Variants in CBR4 observed in about 807,000 individuals in gnomAD.
CBR4 encodes the protein 3-oxoacyl-[acyl-carrier-protein] reductase.
CBR4 carries 22 observed loss-of-function variants against 21.0 expected under a neutral mutation model. The observed-to-expected ratio is 1.05, with a 90% CI of 0.75 to 1.50. CBR4 has a LOEUF of 1.50. Ranked by LOEUF, CBR4 falls within the 40% of genes most tolerant of loss-of-function variation. CBR4 has a pLI of 0.00. For synonymous variants in CBR4, 100 were observed against 104.4 expected, an observed-to-expected ratio of 0.96 and a Z score of 0.26; for missense variants, 302 against 286.3, an observed-to-expected ratio of 1.05 and a Z score of -0.40.
chr4:168,902,977 G>T (rs904536588), intron 2 of CBR4, among the ~76,000 whole-genome samples: 27 of 151,998 alleles, frequency 1.8e-4, no homozygotes, highest in African/African-American at 6.3e-4. Context: ...TGCCCAGGCT[G>T]GTCTTGAATT....
chr4:168,986,036 C>T (rs1197800991), downstream of CBR4, among the ~76,000 whole-genome samples: 1 of 150,636 alleles, frequency 6.6e-6, no homozygotes, highest in East Asian at 1.9e-4. Flanking sequence ...AACAAACCTA[C>T]ATATGTACCC....
intron 4 of CBR4, among the ~76,000 whole-genome samples, chr4:168,994,195 CAAAGGGATGGGCCGAAAT>C (rs1342836100): frequency 1.3e-5 from 2 of 152,278 alleles, no homozygotes; most frequent in East Asian, 3.9e-4. Flanking sequence ...TTACGGGAAA[CAAAGGGATGGGCCGAAAT>C]AAAGGGATGG....
At chr4:168,993,228 T>C (rs1361146196) in intron 4 of CBR4, among the ~76,000 whole-genome samples, 1 of 151,420 alleles carries the variant, frequency 6.6e-6, no homozygotes, top group Non-Finnish European at 1.5e-5. Flanking sequence ...TTTTTTTTTT[T>C]GAGACAAGAG....
intron 2 of CBR4, among the ~76,000 whole-genome samples, chr4:168,902,605 G>T (rs533850159): frequency 2.0e-5 from 3 of 151,960 alleles, no homozygotes; most frequent in African/African-American, 7.3e-5. Context: ...CTGCACCACC[G>T]CACTCTGCAC....
At position 168,976,044 on chromosome 4, in the gene CBR4, G is replaced by A. The variant is rs1439783029; in HGVS notation, n.169+26027C>T. Among the ~76,000 whole-genome samples the A allele has an allele frequency of 2.6e-5, 4 of 152,206 alleles. No individual in the cohort carries two copies. In the South Asian group the frequency reaches 8.3e-4, roughly 31 times the overall value. ...GCTGAGAAAGCAAGCAGGGCTCTCAGGCCTTGCCTCCCCACCTGCCAACAT... is the reference window on the plus strand; with the variant it reads ...GCTGAGAAAGCAAGCAGGGCTCTCAAGCCTTGCCTCCCCACCTGCCAACAT... On this transcript the variant is annotated intron_variant and non_coding_transcript_variant, in intron 2 of 3. Transcript: ENST00000509108.
At chr4:168,975,532 G>A (rs552251907) in intron 2 of CBR4, among the ~76,000 whole-genome samples, 10 of 152,310 alleles carry the variant, frequency 6.6e-5, no homozygotes, top group Non-Finnish European at 1.5e-4. Context: ...CTCTAGCGAG[G>A]AAGTGATGCT....
At chr4:168,954,016 A>G (rs1763617892) in intron 2 of CBR4, among the ~76,000 whole-genome samples, 1 of 152,178 alleles carries the variant, frequency 6.6e-6, no homozygotes, top group Admixed American at 6.5e-5. Context: ...TATAGTTTGA[A>G]GATAAAACTG....
intron 2 of CBR4, among the ~76,000 whole-genome samples, chr4:168,935,359 C>T (rs1430358301): frequency 6.6e-6 from 1 of 152,184 alleles, no homozygotes; most frequent in South Asian, 2.1e-4. Context: ...ACTGAGCTAG[C>T]TGCAGGAGTT....
In CBR4 at chr4:168,921,677, C is replaced by A. The variant is rs772157011; in HGVS notation, n.170-26912G>T. ...CAGTCACGTCACGTGATGCCGGCAT[C>A]TACACATGTATAGCTACCAACCGAG... On this transcript the variant is annotated intron_variant and non_coding_transcript_variant, in intron 2 of 3. Transcript: ENST00000509108. 1 of 1,611,692 alleles carries A rather than the reference C, an allele frequency of 6.2e-7. No homozygotes were observed. The highest frequency in any genetic ancestry group is 8.5e-7 in the Non-Finnish European group (1 of 1,179,834).
chr4:168,943,797 C>T (rs563484613), intron 2 of CBR4, among the ~76,000 whole-genome samples: 1 of 152,114 alleles, frequency 6.6e-6, no homozygotes, highest in Non-Finnish European at 1.5e-5. Flanking sequence ...GTAGTCCCAG[C>T]TACTCAGGAA....
chr4:168,950,798 G>A (rs1238871283), intron 2 of CBR4, among the ~76,000 whole-genome samples: 1 of 152,130 alleles, frequency 6.6e-6, no homozygotes, highest in Non-Finnish European at 1.5e-5. Context: ...ATTTAGGACT[G>A]TGATCTTTTC....
chr4:168,988,972 G>A lies in CBR4; in HGVS notation c.*1178C>T, dbSNP rs1251773048. 9.2e-6 allele frequency: 9 copies of A among 983,034 alleles called. No homozygotes were observed. Among genetic ancestry groups the A allele is most frequent in the Admixed American group, 6.2e-5 (1 of 16,254 alleles). The allele number at this position is 983,034 out of a possible 1,614,324, so 60.9% of individuals were successfully genotyped here. The stretch of plus-strand genomic sequence containing the variant: ...ACACTGAAAATATCATACTATTCCC[G>A]ATAAAAAGAGTTTAATGCAAAATAA... On this transcript the variant is annotated 3_prime_UTR_variant, in exon 5 of 5. Coordinates refer to ENST00000306193, the MANE Select transcript of CBR4 (RefSeq NM_032783.5).
chr4:168,924,888 T>A, intron 2 of CBR4: 8 of 1,582,240 alleles, frequency 5.1e-6, no homozygotes, highest in Non-Finnish European at 6.9e-6. Context: ...TGATGCTTCA[T>A]GTCCAAAGCC....
At chr4:168,928,720 A>G (rs2126644548) in intron 2 of CBR4, among the ~76,000 whole-genome samples, 1 of 152,312 alleles carries the variant, frequency 6.6e-6, no homozygotes, top group South Asian at 2.1e-4. Flanking sequence ...TCCCTCAGCC[A>G]GGAGCTCTCT....
At chr4:168,900,589 T>G (rs867201686) in intron 2 of CBR4, among the ~76,000 whole-genome samples, 1 of 152,338 alleles carries the variant, frequency 6.6e-6, no homozygotes, top group Middle Eastern at 3.4e-3. Flanking sequence ...TGGCATTGTT[T>G]TGTTTTCCCA....
chr4:168,990,328 C>A lies in CBR4; in HGVS notation c.536G>T (p.Gly179Val). ...TTTCGTCATATCTGTGTGTACAAATCCTAAAAGAGAAATGTTTGTTTAGTT... is the reference window on the plus strand; with the variant it reads ...TTTCGTCATATCTGTGTGTACAAATACTAAAAGAGAAATGTTTGTTTAGTT... ...KKIRVNVVAP[G>V]FVHTDMTKDL... is the part of the protein sequence containing the mutation. Residue 179 changes from glycine to valine, a missense_variant and splice_region_variant, in exon 5 of 5, where the codon GGA (glycine) becomes GTA (valine). Gly to Val is a moderately radical substitution (Grantham distance 109). Transcript: ENST00000306193. The A allele has an allele frequency of 6.3e-7, 1 of 1,589,092 alleles. No individual in the cohort carries two copies. Among genetic ancestry groups the A allele is most frequent in the Non-Finnish European group, 8.6e-7 (1 of 1,167,002 alleles).
rs191283917 is a variant in CBR4, at chr4:168,990,046, G to A, written c.*104C>T. On this transcript the variant is annotated 3_prime_UTR_variant, in exon 5 of 5. Coordinates refer to ENST00000306193, the MANE Select transcript of CBR4 (RefSeq NM_032783.5). ...ACAGAAATTAACATTTGTAGCATCA[G>A]CAGGTTTGATTAGCACATGTTACCC... 6.2e-5 allele frequency: 82 copies of A among 1,328,404 alleles called. No homozygotes were observed. Among genetic ancestry groups the A allele is most frequent in the Non-Finnish European group, 7.3e-5 (75 of 1,031,272 alleles). The allele number at this position is 1,328,404 out of a possible 1,614,324, so 82.3% of individuals were successfully genotyped here.
intron 2 of CBR4, among the ~76,000 whole-genome samples, chr4:168,949,842 G>A (rs1190118582): frequency 6.6e-6 from 1 of 152,128 alleles, no homozygotes; most frequent in Non-Finnish European, 1.5e-5. Context: ...TTTAAGCTAG[G>A]AGGGTTGTAT....
intron 2 of CBR4, chr4:168,921,406 CAAAAAAAAAA>C: frequency 4.4e-5 from 16 of 362,428 alleles, no homozygotes; most frequent in South Asian, 3.1e-4. Flanking sequence ...AAACTCTGTC[CAAAAAAAAAA>C]AAAAAAAAAA....
Sources: allele counts gnomAD v4.1 joint callset (sites outside exome capture counted in the v4.1 genomes callset), GRCh38; gene constraint gnomAD v4.1.1; transcripts MANE v1.5; gene names NCBI Gene and HGNC (gene_info 2026-07-23, HGNC 2026-07-21).